Variants in CADPS observed in about 807,000 individuals in gnomAD.
The protein encoded by CADPS is calcium dependent secretion activator.
A neutral mutation model predicts 167.3 loss-of-function variants in CADPS; 57 were observed. The observed-to-expected ratio is 0.34, with a 90% CI of 0.28 to 0.42. The LOEUF is 0.42. CADPS is among the 20% of genes least tolerant of loss of function. CADPS has a pLI of 1.00. For missense variants in CADPS, 1,414 were observed against 1,738.1 expected, an observed-to-expected ratio of 0.81 and a Z score of 3.32; for synonymous variants, 676 against 635.3, an observed-to-expected ratio of 1.06 and a Z score of -0.96.
intron 1 of CADPS, among the ~76,000 whole-genome samples, chr3:62,804,551 CTTG>C (rs1386163598): frequency 6.6e-6 from 1 of 151,528 alleles, no homozygotes; most frequent in Non-Finnish European, 1.5e-5. Context: ...TTATTTTTGG[CTTG>C]TTTTTTTTCT....
In CADPS at chr3:62,808,295, A is replaced by C. The variant is rs193122784; in HGVS notation, c.442-42311T>G. 2.9e-3 allele frequency among the ~76,000 whole-genome samples: 444 copies of C among 152,280 alleles called. 3 individuals carry two copies. Among genetic ancestry groups the C allele is most frequent in the African/African-American group, 0.01 (429 of 41,570 alleles). Reference sequence around the variant, plus strand: ...GAGAAAACTGAGGTACAAGATTTTGAGTCTGACTCTCCAGAAAAATGAGAC... The same window carrying C: ...GAGAAAACTGAGGTACAAGATTTTGCGTCTGACTCTCCAGAAAAATGAGAC... On this transcript the variant is annotated intron_variant, in intron 1 of 29. Coordinates refer to ENST00000383710, the MANE Select transcript of CADPS (RefSeq NM_003716.4).
Position 62,634,104 on chromosome 3 carries a change from G to A in CADPS, c.1325+11618C>T, listed in dbSNP as rs192065790. ...GGGTTGTTAAGCTTTTTCTCCTTCC[G>A]GATAGGAAAGAATTAAGGTAAGCCT... On this transcript the variant is annotated intron_variant, in intron 6 of 29. Coordinates refer to ENST00000383710, the MANE Select transcript of CADPS (RefSeq NM_003716.4). Among the ~76,000 whole-genome samples the A allele has an allele frequency of 1.8e-4, 27 of 152,116 alleles. No individual in the cohort carries two copies. The South Asian group carries it at 2.5e-3, about 14-fold the overall frequency.
intron 6 of CADPS, among the ~76,000 whole-genome samples, chr3:62,612,394 T>C (rs900823188): frequency 1.3e-5 from 2 of 152,212 alleles, no homozygotes; most frequent in African/African-American, 2.4e-5. Flanking sequence ...GGATTTTCTC[T>C]AGTCTGTACA....
At chr3:62,824,089 C>A (rs2073546666) in intron 1 of CADPS, among the ~76,000 whole-genome samples, 1 of 150,488 alleles carries the variant, frequency 6.6e-6, no homozygotes, top group Non-Finnish European at 1.5e-5. Context: ...TAATCCAAGG[C>A]TGAGATTGCC....
At chr3:62,443,974 T>C (rs1215623214) in intron 27 of CADPS, among the ~76,000 whole-genome samples, 2 of 152,196 alleles carry the variant, frequency 1.3e-5, no homozygotes, top group Non-Finnish European at 2.9e-5. Flanking sequence ...CAGGAATTAT[T>C]AGATCGAATC....
intron 3 of CADPS, among the ~76,000 whole-genome samples, chr3:62,733,461 A>C (rs1564450546): frequency 6.6e-6 from 1 of 152,224 alleles, no homozygotes; most frequent in Non-Finnish European, 1.5e-5. Context: ...TCTCCATTTT[A>C]AAAGTCTTAA....
At chr3:62,869,890 C>T (rs546322339) in intron 1 of CADPS, among the ~76,000 whole-genome samples, 9 of 152,254 alleles carry the variant, frequency 5.9e-5, no homozygotes, top group African/African-American at 1.2e-4. Flanking sequence ...TGATAGCTTA[C>T]GATTGTTTAT....
At chr3:62,678,439 A>G (rs569637397) in intron 3 of CADPS, among the ~76,000 whole-genome samples, 5 of 152,186 alleles carry the variant, frequency 3.3e-5, no homozygotes, top group South Asian at 2.1e-4. Flanking sequence ...TAATGTCACT[A>G]TTTCATAAGG....
chr3:62,566,746 C>G (rs376111951), intron 9 of CADPS, among the ~76,000 whole-genome samples: 1 of 152,136 alleles, frequency 6.6e-6, no homozygotes, highest in East Asian at 1.9e-4. Context: ...TGATGGGACT[C>G]TCACGTCACC....
chr3:62,730,551 C>G (rs1011042860), intron 3 of CADPS, among the ~76,000 whole-genome samples: 1 of 152,146 alleles, frequency 6.6e-6, no homozygotes, highest in African/African-American at 2.4e-5. Context: ...TACTAAGCTT[C>G]TAAGCTTGGT....
At chr3:62,691,812 T>C (rs2079174280) in intron 3 of CADPS, among the ~76,000 whole-genome samples, 1 of 151,916 alleles carries the variant, frequency 6.6e-6, no homozygotes, top group African/African-American at 2.4e-5. Context: ...CCAGAAAGAA[T>C]AGCTAAAAGA....
intron 3 of CADPS, among the ~76,000 whole-genome samples, chr3:62,706,425 C>T (rs1228374407): frequency 6.6e-6 from 1 of 152,048 alleles, no homozygotes; most frequent in Non-Finnish European, 1.5e-5. Context: ...AAGGTGGAGG[C>T]CTCCCTATCT....
chr3:62,614,387 G>C (rs1321486929), intron 6 of CADPS, among the ~76,000 whole-genome samples: 1 of 152,172 alleles, frequency 6.6e-6, no homozygotes, highest in Non-Finnish European at 1.5e-5. Flanking sequence ...CAGGATCACA[G>C]GGTGGCTTAC....
intron 7 of CADPS, among the ~76,000 whole-genome samples, chr3:62,590,356 G>T (rs1225904298): frequency 6.6e-6 from 1 of 152,098 alleles, no homozygotes; most frequent in Non-Finnish European, 1.5e-5. Context: ...TACTGGAAAA[G>T]GAGAAATTTG....
intron 1 of CADPS, among the ~76,000 whole-genome samples, chr3:62,832,516 T>G (rs1162471955): frequency 1.3e-5 from 2 of 152,198 alleles, no homozygotes; most frequent in Admixed American, 6.5e-5. Context: ...GGAAGGTAGT[T>G]TCATTCCACC....
At position 62,662,170 on chromosome 3, in the gene CADPS, C is replaced by CT. The variant is rs112172289; in HGVS notation, c.969+143dup. ...GAGAGCTTGCCTTGAGAAAGGAGGG[C>CT]TGAGGGCCCAATGAGGGTGATTGTC... On this transcript the variant is annotated intron_variant, in intron 4 of 29. Coordinates refer to ENST00000383710, the MANE Select transcript of CADPS (RefSeq NM_003716.4). 3,641 of 710,066 alleles carry CT rather than the reference C, an allele frequency of 5.1e-3. 93 individuals carry two copies. In the African/African-American group the frequency reaches 0.053, roughly 10 times the overall value. The allele number at this position is 710,066 out of a possible 1,614,324, so 44.0% of individuals were successfully genotyped here.
intron 3 of CADPS, among the ~76,000 whole-genome samples, chr3:62,681,846 T>C (rs1442986916): frequency 6.6e-6 from 1 of 152,088 alleles, no homozygotes; most frequent in Non-Finnish European, 1.5e-5. Context: ...CATTTCAGAC[T>C]GACTTCTGTA....
At chr3:62,436,973 G>T (rs539685380) in intron 28 of CADPS, among the ~76,000 whole-genome samples, 1 of 151,516 alleles carries the variant, frequency 6.6e-6, no homozygotes, top group African/African-American at 2.4e-5. Flanking sequence ...TGCCAACAAT[G>T]AGCTCACTTA....
chr3:62,715,817 C>A lies in CADPS; in HGVS notation c.888+37624G>T, dbSNP rs187393024. 2.3e-3 allele frequency among the ~76,000 whole-genome samples: 268 copies of A among 116,498 alleles called. 9 individuals carry two copies. The East Asian group carries it at 0.059, about 26-fold the overall frequency. The allele number at this position is 116,498 out of a possible 152,430, so 76.4% of individuals were successfully genotyped here. A position where few individuals can be genotyped will look rare whatever the true frequency, so the allele number is the denominator to read the frequency against. ...TGTCGCCCAGGCTGGAGTGCAGTGG[C>A]GCGATCTCAGCTCACTGCAAGCTCC... On this transcript the variant is annotated intron_variant, in intron 3 of 29. Transcript: ENST00000383710.
Sources: gnomAD v4.1 joint callset for allele counts (sites outside exome capture counted in the v4.1 genomes callset) on GRCh38, gnomAD v4.1.1 for gene constraint, MANE v1.5 for transcripts, NCBI Gene and HGNC (gene_info 2026-07-23, HGNC 2026-07-21) for gene names.